Variants in CMSS1 observed in about 807,000 individuals in gnomAD.
The protein encoded by CMSS1 is protein CMSS1.
In CMSS1, 33 loss-of-function variants were observed where a neutral mutation model predicts 43.5. The ratio of observed to expected loss-of-function variants is 0.76; its 90% CI spans 0.57 to 1.01. CMSS1 has a LOEUF of 1.01. Among genes scored for constraint, CMSS1 ranks in the 50% least tolerant of loss-of-function variants. CMSS1 has a pLI of 0.00. For missense variants in CMSS1, 313 were observed against 326.4 expected (o/e 0.96, Z 0.32); for synonymous variants, 115 against 117.2 (o/e 0.98, Z 0.12).
intron 1 of CMSS1, among the ~76,000 whole-genome samples, chr3:100,000,572 A>C (rs746208862): frequency 6.6e-6 from 1 of 152,226 alleles, no homozygotes; most frequent in Non-Finnish European, 1.5e-5. Context: ...AATTCTGACC[A>C]GGCGCAGTAG....
chr3:99,948,666 G>A (rs544863683), intron 1 of CMSS1, among the ~76,000 whole-genome samples: 1 of 148,846 alleles, frequency 6.7e-6, no homozygotes, highest in South Asian at 2.2e-4. Context: ...GGGAAGGGAA[G>A]GGAAAGAGGA....
chr3:100,046,569 T>A (rs983291713), intron 1 of CMSS1, among the ~76,000 whole-genome samples: 3 of 152,208 alleles, frequency 2.0e-5, no homozygotes, highest in African/African-American at 7.2e-5. Flanking sequence ...CAATTGGTTG[T>A]TGTTGATGTT....
At chr3:99,855,462 G>A (rs1470453617) in intron 1 of CMSS1, among the ~76,000 whole-genome samples, 1 of 152,068 alleles carries the variant, frequency 6.6e-6, no homozygotes, top group Non-Finnish European at 1.5e-5. Context: ...TACATCTGTC[G>A]GTTCTAATTC....
At chr3:100,003,379 G>C (rs527929258) in intron 1 of CMSS1, among the ~76,000 whole-genome samples, 2 of 152,250 alleles carry the variant, frequency 1.3e-5, no homozygotes, top group South Asian at 4.2e-4. Context: ...TCCCTTACGT[G>C]GTTGTTTTGT....
At chr3:99,818,128 G>C in intron 1 of CMSS1, 85 bp downstream of exon 1, 1 of 1,354,430 alleles carries the variant, frequency 7.4e-7, no homozygotes, top group South Asian at 1.2e-5. Context: ...TGGCGATCGC[G>C]GTGTTTGCCC....
intron 1 of CMSS1, chr3:99,876,300 G>C: frequency 4.0e-6 from 3 of 741,072 alleles, no homozygotes; most frequent in Non-Finnish European, 4.9e-6. Flanking sequence ...CGCGGCGGCG[G>C]CGCAGCCACA....
At chr3:99,920,888 G>A (rs1707104231) in intron 1 of CMSS1, among the ~76,000 whole-genome samples, 1 of 152,140 alleles carries the variant, frequency 6.6e-6, no homozygotes, top group Non-Finnish European at 1.5e-5. Flanking sequence ...CTTAATTTTT[G>A]TTTTATTTCC....
At chr3:100,143,182 G>A (rs1017331560) in intron 1 of CMSS1, among the ~76,000 whole-genome samples, 2 of 152,114 alleles carry the variant, frequency 1.3e-5, no homozygotes, top group African/African-American at 2.4e-5. Context: ...TAGATTTCTT[G>A]GGATTTTTTA....
At chr3:99,906,638 G>A (rs1576563277) in intron 1 of CMSS1, among the ~76,000 whole-genome samples, 2 of 152,314 alleles carry the variant, frequency 1.3e-5, no homozygotes, top group East Asian at 3.9e-4. Context: ...GAAAGGTTAA[G>A]TGGTTTGCAC....
At chr3:100,038,671 C>G (rs867070136) in intron 1 of CMSS1, among the ~76,000 whole-genome samples, 1 of 152,134 alleles carries the variant, frequency 6.6e-6, no homozygotes, top group African/African-American at 2.4e-5. Context: ...TTGTTTGTTT[C>G]TTTCTTTTTA....
chr3:100,038,524 A>G (rs965461276), intron 1 of CMSS1, among the ~76,000 whole-genome samples: 1 of 152,212 alleles, frequency 6.6e-6, no homozygotes, highest in Non-Finnish European at 1.5e-5. Context: ...GTTTAATTTC[A>G]AAATTAACAA....
intron 1 of CMSS1, among the ~76,000 whole-genome samples, chr3:99,901,543 G>T (rs926001192): frequency 6.6e-6 from 1 of 152,140 alleles, no homozygotes; most frequent in African/African-American, 2.4e-5. Context: ...CCAGATGTTC[G>T]TCGGGAAAGC....
intron 1 of CMSS1, among the ~76,000 whole-genome samples, chr3:99,847,763 C>T (rs1943433419): frequency 6.6e-6 from 1 of 152,138 alleles, no homozygotes; most frequent in South Asian, 2.1e-4. Context: ...ATTTGAACCA[C>T]TTTTCTCTCC....
chr3:100,178,539 A>G lies in CMSS1; in HGVS notation c.*151A>G. On this transcript the variant is annotated 3_prime_UTR_variant, in exon 10 of 10. Transcript: ENST00000421999. ...ATCACTGGAATGTGGGGATTCTGAAACAGAAATGAAACTGTCCTTTTGACA... is the reference window on the plus strand; with the variant it reads ...ATCACTGGAATGTGGGGATTCTGAAGCAGAAATGAAACTGTCCTTTTGACA... 1 of 574,638 alleles carries G rather than the reference A, an allele frequency of 1.7e-6. No individual in the cohort carries two copies. Among genetic ancestry groups the G allele is most frequent in the Non-Finnish European group, 3.1e-6 (1 of 321,080 alleles). The allele number at this position is 574,638 out of a possible 1,614,324, so 35.6% of individuals were successfully genotyped here.
chr3:100,088,281 G>C (rs1313650859), intron 1 of CMSS1, among the ~76,000 whole-genome samples: 2 of 152,082 alleles, frequency 1.3e-5, no homozygotes, highest in Non-Finnish European at 2.9e-5. Flanking sequence ...AATTGATACA[G>C]AAAAAAATAG....
intron 1 of CMSS1, among the ~76,000 whole-genome samples, chr3:100,070,806 T>G (rs968272489): frequency 6.6e-6 from 1 of 152,152 alleles, no homozygotes; most frequent in Non-Finnish European, 1.5e-5. Context: ...TAATTTTGTA[T>G]TTTTAGTAGA....
At chr3:100,126,631 T>A (rs1339265571) in intron 1 of CMSS1, among the ~76,000 whole-genome samples, 7 of 152,326 alleles carry the variant, frequency 4.6e-5, no homozygotes, top group Non-Finnish European at 4.4e-5. Context: ...TGTAACCTTG[T>A]AAGCTGCCTT....
intron 1 of CMSS1, among the ~76,000 whole-genome samples, chr3:100,021,534 C>T (rs2064817024): frequency 6.6e-6 from 1 of 152,106 alleles, no homozygotes; most frequent in Non-Finnish European, 1.5e-5. Context: ...CCAGAAAGAA[C>T]AGAGTCAAGA....
At position 100,112,838 on chromosome 3, in the gene CMSS1, A is replaced by G. The variant is rs541043779; in HGVS notation, c.65-34135A>G. 8.5e-4 allele frequency among the ~76,000 whole-genome samples: 129 copies of G among 152,376 alleles called. 1 individual carries two copies. The highest frequency in any genetic ancestry group is 3.0e-3 in the African/African-American group (123 of 41,588). On this transcript the variant is annotated intron_variant, in intron 1 of 9. Coordinates refer to ENST00000421999, the MANE Select transcript of CMSS1 (RefSeq NM_032359.4). ...TATTTATGCTGATTTTTAATTAAGC[A>G]TAATGAGAGTTTCATAATAGTGTCA...
Sources: gnomAD v4.1 joint callset for allele counts (sites outside exome capture counted in the v4.1 genomes callset) on GRCh38, gnomAD v4.1.1 for gene constraint, MANE v1.5 for transcripts, NCBI Gene and HGNC (gene_info 2026-07-23, HGNC 2026-07-21) for gene names.